The following ALCAM variants were observed in gnomAD, a reference collection of about 807,000 sequenced individuals.
The protein encoded by ALCAM is activated leukocyte cell adhesion molecule.
ALCAM carries 30 observed loss-of-function variants against 70.9 expected under a neutral mutation model. The ratio of observed to expected loss-of-function variants is 0.42; its 90% confidence interval spans 0.32 to 0.57. ALCAM has a LOEUF of 0.57. Ranked by LOEUF, ALCAM falls within the 20% of genes least tolerant of loss-of-function variation. The pLI, the probability that ALCAM is intolerant of heterozygous loss-of-function variation, is 0.11. For missense variants in ALCAM, 591 were observed against 695.1 expected, an observed-to-expected ratio of 0.85 and a Z score of 1.68; for synonymous variants, 249 against 242.5, an observed-to-expected ratio of 1.03 and a Z score of -0.25.
chr3:105,383,120 C>T (rs991742109), intron 1 of ALCAM, among the ~76,000 whole-genome samples: 3 of 151,714 alleles, frequency 2.0e-5, no homozygotes, highest in Non-Finnish European at 2.9e-5. Context: ...GCCTGAATAA[C>T]GTGTATCCCT....
intron 1 of ALCAM, among the ~76,000 whole-genome samples, chr3:105,388,262 C>G (rs754788539): frequency 2.6e-5 from 4 of 151,414 alleles, no homozygotes; most frequent in African/African-American, 4.8e-5. Context: ...AGGGAAAAGA[C>G]CTGGAGAAGG....
At chr3:105,542,475 C>T (rs1420077959) in intron 8 of ALCAM, among the ~76,000 whole-genome samples, 1 of 151,794 alleles carries the variant, frequency 6.6e-6, no homozygotes, top group African/African-American at 2.4e-5. Flanking sequence ...AAACAGTAAA[C>T]TAATTCATAC....
At chr3:105,542,509 C>T (rs759545308) in intron 8 of ALCAM, among the ~76,000 whole-genome samples, 1 of 151,758 alleles carries the variant, frequency 6.6e-6, no homozygotes, top group Non-Finnish European at 1.5e-5. Flanking sequence ...CACTAGAATT[C>T]AGAGTGCTTT....
intron 1 of ALCAM, among the ~76,000 whole-genome samples, chr3:105,395,981 A>G (rs1401674649): frequency 6.6e-6 from 1 of 151,978 alleles, no homozygotes; most frequent in Non-Finnish European, 1.5e-5. Context: ...AGCTTGGGTC[A>G]GGTGTCCATT....
intron 1 of ALCAM, among the ~76,000 whole-genome samples, chr3:105,383,116 A>G (rs1226375612): frequency 6.6e-6 from 1 of 151,686 alleles, no homozygotes; most frequent in African/African-American, 2.4e-5. Context: ...CTTTGCCTGA[A>G]TAACGTGTAT....
chr3:105,535,028 C>T (rs1939935210), intron 6 of ALCAM, among the ~76,000 whole-genome samples, 183 bp downstream of exon 6: 1 of 152,034 alleles, frequency 6.6e-6, no homozygotes, highest in African/African-American at 2.4e-5. Flanking sequence ...AACATTTATC[C>T]ATCCTATAAT....
intron 3 of ALCAM, chr3:105,525,170 C>A: frequency 1.0e-6 from 1 of 983,916 alleles, no homozygotes; most frequent in Non-Finnish European, 1.2e-6. Flanking sequence ...AAAAAACTCA[C>A]TATACCCTGA....
intron 1 of ALCAM, among the ~76,000 whole-genome samples, chr3:105,405,277 CAAAAAAAA>C (rs35101188): frequency 9.2e-5 from 6 of 65,268 alleles, no homozygotes; most frequent in African/African-American, 2.5e-4. Flanking sequence ...AACTTCGTCT[CAAAAAAAA>C]AAAAAAAAAA....
At chr3:105,473,732 G>A (rs1938010381) in intron 1 of ALCAM, among the ~76,000 whole-genome samples, 2 of 151,564 alleles carry the variant, frequency 1.3e-5, no homozygotes, top group African/African-American at 4.8e-5. Context: ...ACTAAGGAGT[G>A]TGTGTATAGG....
intron 1 of ALCAM, among the ~76,000 whole-genome samples, chr3:105,396,017 G>T (rs1278982069): frequency 6.6e-6 from 1 of 151,982 alleles, no homozygotes; most frequent in Non-Finnish European, 1.5e-5. Flanking sequence ...AACATTGGAG[G>T]AGGGGAATTT....
rs942711004 is a variant in ALCAM at position 105,570,738 on chromosome 3, A to G, written c.1665-1114A>G. On this transcript the variant is annotated intron_variant, in intron 14 of 15. Transcript: ENST00000306107. ...TAATCATATGCACCATTATACATGA[A>G]TGTCACAAACTTAAGGTTGAGTTTA... 2.0e-5 allele frequency among the ~76,000 whole-genome samples: 3 copies of G among 152,240 alleles called. No individual in the cohort carries two copies. The South Asian group carries it at 6.2e-4, about 31-fold the overall frequency.
At chr3:105,540,156 G>T in intron 7 of ALCAM, 54 bp downstream of exon 7, 1 of 1,557,722 alleles carries the variant, frequency 6.4e-7, no homozygotes, top group South Asian at 1.1e-5. Context: ...CCTGTTGTTT[G>T]ACTTCTACAT....
intron 14 of ALCAM, among the ~76,000 whole-genome samples, chr3:105,571,561 A>G (rs1296462734): frequency 6.6e-6 from 1 of 152,208 alleles, no homozygotes; most frequent in Non-Finnish European, 1.5e-5. Context: ...GAAAGTGGAG[A>G]GAAAAATAAC....
chr3:105,469,167 CG>C (rs5851459), intron 1 of ALCAM, among the ~76,000 whole-genome samples: 88,550 of 150,902 alleles, frequency 0.59, 26,565 homozygotes, highest in East Asian at 0.89. Flanking sequence ...ACAAGTATTG[CG>C]GGGTTTTTTG....
chr3:105,508,808 G>T (rs918397161), intron 1 of ALCAM, among the ~76,000 whole-genome samples: 7 of 84,242 alleles, frequency 8.3e-5, no homozygotes, highest in African/African-American at 2.8e-4. Flanking sequence ...TCATCATGCT[G>T]TACTTTACAT....
chr3:105,541,672 C>T lies in ALCAM; in HGVS notation c.898C>T (p.Leu300=), dbSNP rs1435121869. Residue 300 remains leucine, a synonymous_variant, in exon 8 of 16, where the codon CTG becomes TTG. Transcript: ENST00000306107. ...EGIRSSNTYT[L]TDVRRNATGD... The stretch of plus-strand genomic sequence containing the variant: ...AATAAGAAGCTCAAATACTTACACA[C>T]TGACGGATGTGAGGCGCAATGCAAC... 32 of 1,612,062 alleles carry T rather than the reference C, an allele frequency of 2.0e-5. No homozygotes were observed. The highest frequency in any genetic ancestry group is 2.5e-5 in the Non-Finnish European group (30 of 1,178,806).
intron 1 of ALCAM, among the ~76,000 whole-genome samples, chr3:105,473,476 T>C (rs994123823): frequency 3.3e-5 from 5 of 151,712 alleles, no homozygotes; most frequent in Non-Finnish European, 4.4e-5. Flanking sequence ...TTGTCCTTTT[T>C]ATCTTCCACT....
chr3:105,503,472 A>G (rs531275293), intron 1 of ALCAM, among the ~76,000 whole-genome samples: 6 of 152,074 alleles, frequency 3.9e-5, no homozygotes, highest in Non-Finnish European at 8.8e-5. Context: ...TCTCCTTTTC[A>G]CTGTGCCTCT....
chr3:105,464,333 C>T (rs1937655512), intron 1 of ALCAM, among the ~76,000 whole-genome samples: 1 of 150,598 alleles, frequency 6.6e-6, no homozygotes, highest in African/African-American at 2.4e-5. Context: ...TTTCTATATA[C>T]AAAGAGTTTA....
Sources: gnomAD v4.1 joint callset for allele counts (sites outside exome capture counted in the v4.1 genomes callset) on GRCh38, gnomAD v4.1.1 for gene constraint, MANE v1.5 for transcripts, NCBI Gene and HGNC (gene_info 2026-07-23, HGNC 2026-07-21) for gene names.